Variants in FGL1 observed in about 807,000 individuals in gnomAD.
FGL1 encodes fibrinogen-like protein 1.
Under a neutral mutation model 43.7 loss-of-function variants are expected in FGL1, and 59 were observed. The observed-to-expected ratio is 1.35, with a 90% CI of 1.10 to 1.68. The LOEUF is 1.68. Ranked by LOEUF, FGL1 falls within the 40% of genes most tolerant of loss-of-function variation. FGL1 has a pLI of 0.00. For missense variants in FGL1, 596 were observed against 373.0 expected, an observed-to-expected ratio of 1.60 and a Z score of -4.92; for synonymous variants, 192 against 126.5, an observed-to-expected ratio of 1.52 and a Z score of -3.48.
chr8:17,876,865 A>G (rs1414066394), intron 3 of FGL1, among the ~76,000 whole-genome samples: 1 of 152,218 alleles, frequency 6.6e-6, no homozygotes, highest in East Asian at 1.9e-4. Flanking sequence ...GCTAACTGCG[A>G]GTTTGTTATT....
chr8:17,887,834 C>CAAAAA (rs35899868), intron 1 of FGL1, among the ~76,000 whole-genome samples: 1 of 143,608 alleles, frequency 7.0e-6, no homozygotes, highest in African/African-American at 2.6e-5. Flanking sequence ...GACTCCATCT[C>CAAAAA]AAAAAAAAAA....
intron 3 of FGL1, among the ~76,000 whole-genome samples, chr8:17,879,706 C>T (rs752107127): frequency 6.6e-6 from 1 of 151,654 alleles, no homozygotes; most frequent in Non-Finnish European, 1.5e-5. Flanking sequence ...TTACAGCCTG[C>T]AGAACCATGA....
chr8:17,885,372 T>C, intron 2 of FGL1, 120 bp downstream of exon 2: 2 of 803,558 alleles, frequency 2.5e-6, no homozygotes, highest in Non-Finnish European at 2.0e-6. Context: ...GCCTCTTTGC[T>C]TTTCCCACAT....
intron 1 of FGL1, among the ~76,000 whole-genome samples, chr8:17,890,076 C>T (rs573781048): frequency 6.6e-6 from 1 of 152,160 alleles, no homozygotes; most frequent in African/African-American, 2.4e-5. Context: ...TGAAATCTCA[C>T]GATGTCTTTA....
At chr8:17,872,009 T>C (rs2053369808) in intron 5 of FGL1, among the ~76,000 whole-genome samples, 1 of 152,108 alleles carries the variant, frequency 6.6e-6, no homozygotes, top group African/African-American at 2.4e-5. Context: ...AATGTGCAAA[T>C]GAAACAGAAG....
intron 3 of FGL1, among the ~76,000 whole-genome samples, chr8:17,878,529 T>C (rs1286859328): frequency 6.6e-6 from 1 of 152,144 alleles, no homozygotes; most frequent in African/African-American, 2.4e-5. Context: ...TGAACGGCGG[T>C]GGTGACGCCA....
rs774304758 is a variant in FGL1, at chr8:17,868,716, A to G, written c.611T>C (p.Ile204Thr). 1.9e-6 allele frequency: 3 copies of G among 1,612,284 alleles called. No individual in the cohort carries two copies. Among genetic ancestry groups the G allele is most frequent in the Admixed American group, 3.4e-5 (2 of 59,584 alleles). The change falls in exon 7 of 8, where the codon ATT (isoleucine) becomes ACT (threonine). Residue 204 changes from isoleucine to threonine, a missense_variant. Ile to Thr is a moderately conservative substitution (Grantham distance 89). Coordinates refer to ENST00000427924, the MANE Select transcript of FGL1 (RefSeq NM_004467.4). ...TCCAGCTGTTCCAGAATATTCCCCA[A>G]TATTCAACTCGTAGAAATTCTAAAG... The part of the protein sequence containing the change: ...GDEKNFYELN[I>T]GEYSGTAGDS...
intron 3 of FGL1, among the ~76,000 whole-genome samples, chr8:17,877,787 CTT>C (rs2053478237): frequency 2.0e-5 from 3 of 152,068 alleles, no homozygotes; most frequent in African/African-American, 7.2e-5. Flanking sequence ...ATTTTGCTCT[CTT>C]TGTTATTTTT....
At chr8:17,887,677 T>C (rs1367607583) in intron 1 of FGL1, among the ~76,000 whole-genome samples, 7 of 151,898 alleles carry the variant, frequency 4.6e-5, no homozygotes, top group Admixed American at 4.6e-4. Flanking sequence ...TCTATAAAAA[T>C]ACAAAAAATT....
intron 3 of FGL1, 148 bp downstream of exon 3, chr8:17,881,851 T>TC: frequency 1.7e-6 from 1 of 576,156 alleles, no homozygotes; most frequent in Admixed American, 4.0e-5. Flanking sequence ...AAAAAAAAAG[T>TC]AAAGTGTGAA....
At chr8:17,887,694 G>T (rs985574434) in intron 1 of FGL1, among the ~76,000 whole-genome samples, 2 of 152,068 alleles carry the variant, frequency 1.3e-5, no homozygotes, top group Non-Finnish European at 2.9e-5. Context: ...AATTAGCTAG[G>T]TGTGGTGGTG....
intron 7 of FGL1, among the ~76,000 whole-genome samples, chr8:17,867,558 C>A (rs2053288497): frequency 1.3e-5 from 2 of 152,198 alleles, no homozygotes; most frequent in African/African-American, 2.4e-5. Flanking sequence ...AATATGTCAG[C>A]ATTACAGCTC....
chr8:17,881,857 G>A, intron 3 of FGL1, 142 bp downstream of exon 3: 1 of 634,342 alleles, frequency 1.6e-6, no homozygotes, highest in Non-Finnish European at 2.5e-6. Context: ...AAAGTAAAGT[G>A]TGAAAGAAGA....
chr8:17,875,791 C>T (rs1563452702), intron 3 of FGL1, among the ~76,000 whole-genome samples: 1 of 151,848 alleles, frequency 6.6e-6, no homozygotes, highest in Non-Finnish European at 1.5e-5. Flanking sequence ...ATTTTTAGTA[C>T]AGACTGGATT....
intron 5 of FGL1, 64 bp from the exon 6 acceptor site, chr8:17,869,068 T>C (rs779623400): frequency 3.1e-6 from 3 of 975,486 alleles, no homozygotes; most frequent in African/African-American, 1.6e-5. Flanking sequence ...CTACTGCGGT[T>C]TAAAAATAAT....
In FGL1 at chr8:17,894,294, A is replaced by C. The variant is rs12114214; in HGVS notation, c.-18+1153T>G. Reference sequence around the variant, plus strand: ...AAGTATGTTTAATAAGTTAGCATTCACAAACGCTATAGGACTATAATGCTT... The same window carrying C: ...AAGTATGTTTAATAAGTTAGCATTCCCAAACGCTATAGGACTATAATGCTT... On this transcript the variant is annotated intron_variant, in intron 1 of 7. Transcript: ENST00000427924. Among the ~76,000 whole-genome samples, 529 of 147,390 alleles carry C rather than the reference A, an allele frequency of 3.6e-3. 89 individuals carry two copies. The highest frequency in any genetic ancestry group is 0.013 in the African/African-American group (507 of 37,642).
chr8:17,868,437 A>T, intron 7 of FGL1, 111 bp downstream of exon 7: 1 of 799,786 alleles, frequency 1.3e-6, no homozygotes, highest in Non-Finnish European at 1.8e-6. Context: ...ACTTAATAAT[A>T]CTAATATTAT....
In FGL1 at chr8:17,874,074, T is replaced by G. The variant is rs376838318; in HGVS notation, c.447A>C (p.Gln149His). 3 of 1,611,904 alleles carry G rather than the reference T, an allele frequency of 1.9e-6. No homozygotes were observed. Among genetic ancestry groups the G allele is most frequent in the Non-Finnish European group, 2.5e-6 (3 of 1,179,540 alleles). The stretch of plus-strand genomic sequence containing the variant: ...TGCCCAGCCAATATTCACCATGTTT[T>G]TGGACAAAATTTCCAAAGCCATTTT... ...DYENGFGNFV[Q>H]KHGEYWLGNK... The change falls in exon 5 of 8, where the codon CAA (glutamine) becomes CAC (histidine). Residue 149 changes from glutamine (Q) to histidine (H), a missense_variant. Physicochemically the swap from Gln to His is conservative, Grantham distance 24. Coordinates refer to ENST00000427924, the MANE Select transcript of FGL1 (RefSeq NM_004467.4).
chr8:17,887,926 C>G (rs938167310), intron 1 of FGL1, among the ~76,000 whole-genome samples: 1 of 151,602 alleles, frequency 6.6e-6, no homozygotes, highest in African/African-American at 2.4e-5. Context: ...TTTATAAGAA[C>G]TCTGGCATTT....
Sources: gnomAD v4.1 joint callset for allele counts (sites outside exome capture counted in the v4.1 genomes callset) on GRCh38, gnomAD v4.1.1 for gene constraint, MANE v1.5 for transcripts, NCBI Gene and HGNC (gene_info 2026-07-23, HGNC 2026-07-21) for gene names.